Variants in RNF207 observed in about 807,000 individuals in gnomAD.
The protein encoded by RNF207 is OTTHUMG00000001089.
In RNF207, 72 loss-of-function variants were observed where a neutral mutation model predicts 79.0. The observed-to-expected ratio is 0.91, with a 90% CI of 0.75 to 1.11. The LOEUF is 1.11. Among genes scored for constraint, RNF207 ranks in the 50% least tolerant of loss-of-function variants. The pLI is 0.00. For synonymous variants in RNF207, 348 were observed against 366.2 expected (o/e 0.95, Z 0.57); for missense variants, 936 against 855.8 (o/e 1.09, Z -1.17).
At chr1:6,212,206 G>C in intron 13 of RNF207, 25 bp from the exon 14 acceptor site, 2 of 1,600,248 alleles carry the variant, frequency 1.2e-6, no homozygotes. Context: ...GGTGACCCAC[G>C]CTCTCACACA....
chr1:6,212,989 TG>T, intron 15 of RNF207, 76 bp from the exon 16 acceptor site: 1 of 986,428 alleles, frequency 1.0e-6, no homozygotes, highest in Non-Finnish European at 1.6e-6. Flanking sequence ...GATATTTACG[TG>T]GTGCCTGGCT....
Position 6,210,230 on chromosome 1 carries a change from G to A in RNF207, c.808G>A (p.Glu270Lys), listed in dbSNP as rs771011320. Residue 270 changes from glutamate (E) to lysine (K), a missense_variant, in exon 9 of 18, where the codon GAA (glutamate) becomes AAA (lysine). Glu to Lys is a moderately conservative substitution (Grantham distance 56, BLOSUM62 1). Transcript: ENST00000377939. ...LLLQAVQSQY[E>K]EKDKAFKEQL... is the part of the protein sequence containing the mutation. The stretch of plus-strand genomic sequence containing the variant: ...GCAGCCCCCCTCCCCCAGCCAATAC[G>A]AAGAGAAGGACAAGGCCTTCAAGGA... The A allele has an allele frequency of 7.4e-6, 12 of 1,612,988 alleles. No homozygotes were observed. The highest frequency in any genetic ancestry group is 2.7e-5 in the African/African-American group (2 of 74,752).
chr1:6,209,477 G>T lies in RNF207; in HGVS notation c.691G>T (p.Glu231Ter). 6.7e-7 allele frequency: 1 copy of T among 1,497,906 alleles called. No individual in the cohort carries two copies. The allele number at this position is 1,497,906 out of a possible 1,614,324, so 92.8% of individuals were successfully genotyped here. The stretch of plus-strand genomic sequence containing the variant: ...CGCGCTGCTGCAGGCCATGGTGGAG[G>T]AGGTGCGGCACAGCGCCGCCGAGGA... The part of the protein sequence containing the change: ...AIALLQAMVE[E>*]VRHSAAEEED... The change falls in exon 7 of 18, where the codon GAG becomes TAG. Residue 231 changes from glutamate to a stop codon, truncating the protein, a stop_gained. Coordinates refer to ENST00000377939, the MANE Select transcript of RNF207 (RefSeq NM_207396.3). LOFTEE classifies it high-confidence loss of function.
intron 16 of RNF207, among the ~76,000 whole-genome samples, chr1:6,216,251 G>A (rs975772857): frequency 2.6e-5 from 4 of 152,142 alleles, no homozygotes; most frequent in Non-Finnish European, 5.9e-5. Context: ...TGGGGACAAC[G>A]TCCTGGGTGC....
At chr1:6,210,338 G>C (rs769561399) in intron 9 of RNF207, 32 bp from the exon 10 acceptor site, 4 of 1,613,106 alleles carry the variant, frequency 2.5e-6, no homozygotes, top group African/African-American at 1.3e-5. Context: ...CCTCCTCCCC[G>C]GCCAGGCACT....
At position 6,209,553 on chromosome 1, in the gene RNF207, G is replaced by C; in HGVS notation, c.753+14G>C. The C allele has an allele frequency of 6.9e-7, 1 of 1,447,400 alleles. No individual in the cohort carries two copies. The allele number at this position is 1,447,400 out of a possible 1,614,324, so 89.7% of individuals were successfully genotyped here. A position where few individuals can be genotyped will look rare whatever the true frequency, so the allele number is the denominator to read the frequency against. ...GGCAGCATGCAGGTGAGGGGTGGGG[G>C]TTGGGGGATAAACGACCCAGCCGGG... On this transcript the variant is annotated intron_variant, in intron 7 of 17. Coordinates refer to ENST00000377939, the MANE Select transcript of RNF207 (RefSeq NM_207396.3).
At chr1:6,208,800 C>A in intron 3 of RNF207, 81 bp from the exon 4 acceptor site, 1 of 1,393,090 alleles carries the variant, frequency 7.2e-7, no homozygotes, top group South Asian at 1.4e-5. Flanking sequence ...GACAAACACG[C>A]GCAGTGACAC....
At chr1:6,215,914 G>A (rs1668347035) in intron 16 of RNF207, among the ~76,000 whole-genome samples, 1 of 152,218 alleles carries the variant, frequency 6.6e-6, no homozygotes, top group South Asian at 2.1e-4. Context: ...TAGGAGTGGG[G>A]CAGGGCTGGA....
Position 6,207,811 on chromosome 1 carries a change from T to C in RNF207, c.324+300T>C, listed in dbSNP as rs1166438878. Reference sequence around the variant, plus strand: ...TTGTGGACCTGCACAGGAGGGGCAGTCCAGTTTGCAGGCCTGGGCCGACCC... The same window carrying C: ...TTGTGGACCTGCACAGGAGGGGCAGCCCAGTTTGCAGGCCTGGGCCGACCC... On this transcript the variant is annotated intron_variant, in intron 3 of 17. Transcript: ENST00000377939. The surrounding 1 kb of genome is among the most constrained non-coding windows in gnomAD (Gnocchi z 4.5). 1 of 596,834 alleles carries C rather than the reference T, an allele frequency of 1.7e-6. No individual in the cohort carries two copies. Among genetic ancestry groups the C allele is most frequent in the Admixed American group, 2.2e-5 (1 of 46,144 alleles). The allele number at this position is 596,834 out of a possible 1,614,324, so 37.0% of individuals were successfully genotyped here.
At position 6,211,801 on chromosome 1, in the gene RNF207, C is replaced by A; in HGVS notation, c.1110-66C>A. 1 of 1,241,808 alleles carries A rather than the reference C, an allele frequency of 8.1e-7. No individual in the cohort carries two copies. 76.9% of individuals were successfully genotyped at this position (1,241,808 alleles called of 1,614,324 possible). On this transcript the variant is annotated intron_variant, in intron 12 of 17. Transcript: ENST00000377939. The surrounding 1 kb of genome is among the most constrained non-coding windows in gnomAD (Gnocchi z 4.2). Reference sequence around the variant, plus strand: ...GATCCCGGAGCAGTCCAGGGGGCTGCCCTGGGAGGCTGGGGGAGGGGCAGA... The same window carrying A: ...GATCCCGGAGCAGTCCAGGGGGCTGACCTGGGAGGCTGGGGGAGGGGCAGA...
At chr1:6,218,689 A>T (rs912073752) in intron 17 of RNF207, among the ~76,000 whole-genome samples, 1 of 152,194 alleles carries the variant, frequency 6.6e-6, no homozygotes, top group Non-Finnish European at 1.5e-5. Context: ...CTGAAATGAG[A>T]AAGTGACCGA....
At chr1:6,213,581 A>T (rs936593819) in intron 16 of RNF207, among the ~76,000 whole-genome samples, 2 of 152,082 alleles carry the variant, frequency 1.3e-5, no homozygotes, top group African/African-American at 4.8e-5. Flanking sequence ...CTGGGCGGAC[A>T]AGGTGCCGGA....
In RNF207 at chr1:6,220,565, G is replaced by C. The variant is rs927742988; in HGVS notation, c.*1158G>C. ...TCCAGCTTCTCTCCCTTTCCAGCAA[G>C]GGCAGAGCTCCTAAAGCCAGGGGTT... On this transcript the variant is annotated 3_prime_UTR_variant, in exon 18 of 18. Transcript: ENST00000377939. 59 of 152,218 alleles carry C rather than the reference G, an allele frequency of 3.9e-4. No homozygotes were observed. Among genetic ancestry groups the C allele is most frequent in the African/African-American group, 1.4e-3 (59 of 41,444 alleles). 9.4% of individuals were successfully genotyped at this position (152,218 alleles called of 1,614,324 possible).
chr1:6,212,603 C>T, intron 14 of RNF207, 79 bp from the exon 15 acceptor site: 1 of 1,364,178 alleles, frequency 7.3e-7, no homozygotes, highest in Non-Finnish European at 1.0e-6. Context: ...CTTTGTAGAT[C>T]TGAGTAGCTA....
At position 6,207,361 on chromosome 1, in the gene RNF207, G is replaced by T. The variant is rs781406127; in HGVS notation, c.192-18G>T. The stretch of plus-strand genomic sequence containing the variant: ...GGGGAAGGGGTATCAGAATCTCGGG[G>T]CCTGGGCTTCTCTGCAGACACCAGA... On this transcript the variant is annotated intron_variant, in intron 2 of 17. Transcript: ENST00000377939. The surrounding 1 kb of genome is among the most constrained non-coding windows in gnomAD (Gnocchi z 4.5). 3.3e-6 allele frequency: 5 copies of T among 1,502,640 alleles called. No homozygotes were observed. The highest frequency in any genetic ancestry group is 1.4e-5 in the African/African-American group (1 of 71,574). 93.1% of individuals were successfully genotyped at this position (1,502,640 alleles called of 1,614,324 possible). A position where few individuals can be genotyped will look rare whatever the true frequency, so the allele number is the denominator to read the frequency against.
chr1:6,214,626 C>CTTTTTTTTTTTTTTTTTTTTT (rs1553148919), intron 16 of RNF207, among the ~76,000 whole-genome samples: 1 of 95,608 alleles, frequency 1.0e-5, no homozygotes, highest in African/African-American at 5.9e-5. Context: ...TGGAATATTT[C>CTTTTTTTTTTTTTTTTTTTTT]TTTCTTTTTT....
rs1668518997 is a variant in RNF207 at position 6,220,670 on chromosome 1, C to T, written c.*1263C>T. 6.6e-6 allele frequency: 1 copy of T among 152,214 alleles called. No homozygotes were observed. Among genetic ancestry groups the T allele is most frequent in the South Asian group, 2.1e-4 (1 of 4,822 alleles). 9.4% of individuals were successfully genotyped at this position (152,214 alleles called of 1,614,324 possible). On this transcript the variant is annotated 3_prime_UTR_variant, in exon 18 of 18. Coordinates refer to ENST00000377939, the MANE Select transcript of RNF207 (RefSeq NM_207396.3). ...CCAAACTCCTGCAGCCCTCCTGAGT[C>T]CGACTTCCGTTGATAGCAAGGCACT...
chr1:6,210,711 G>A lies in RNF207; in HGVS notation c.943-159G>A, dbSNP rs1027215828. ...CCCCTCTCCTGTGGATTTGGGGATG[G>A]GATGGGGGTTTGTCCGGGTGAGTCC... is the stretch of plus-strand genomic sequence containing the variant. On this transcript the variant is annotated intron_variant, in intron 10 of 17. Coordinates refer to ENST00000377939, the MANE Select transcript of RNF207 (RefSeq NM_207396.3). 1.1e-5 allele frequency: 8 copies of A among 714,860 alleles called. No homozygotes were observed. The Admixed American group carries it at 1.7e-4, about 15-fold the overall frequency. The allele number at this position is 714,860 out of a possible 1,614,324, so 44.3% of individuals were successfully genotyped here.
chr1:6,209,158 G>T lies in RNF207; in HGVS notation c.513G>T (p.Lys171Asn). Reference protein sequence around the residue: ...EPYLLFSTDKKLLLCIRCFRD... With the variant: ...EPYLLFSTDKNLLLCIRCFRD... ...ACCTCTTGTTCTCCACCGACAAGAAGTTGCTGTTGTGCATCCGCTGCTTCC... is the reference window on the plus strand; with the variant it reads ...ACCTCTTGTTCTCCACCGACAAGAATTTGCTGTTGTGCATCCGCTGCTTCC... The change falls in exon 5 of 18, where the codon AAG becomes AAT. Residue 171 changes from lysine to asparagine, a missense_variant. Coordinates refer to ENST00000377939, the MANE Select transcript of RNF207 (RefSeq NM_207396.3). 1 of 1,557,850 alleles carries T rather than the reference G, an allele frequency of 6.4e-7. No individual in the cohort carries two copies. Among genetic ancestry groups the T allele is most frequent in the Non-Finnish European group, 8.7e-7 (1 of 1,150,366 alleles).
Sources: gnomAD v4.1 joint callset for allele counts (sites outside exome capture counted in the v4.1 genomes callset) on GRCh38, gnomAD v4.1.1 for gene constraint, Gnocchi (gnomAD v3.1) non-coding constraint, MANE v1.5 for transcripts, NCBI Gene and HGNC (gene_info 2026-07-23, HGNC 2026-07-21) for gene names.